PDE1A: variants seen among roughly 807,000 people sequenced by gnomAD.
The protein encoded by PDE1A is dual specificity calcium/calmodulin-dependent 3',5'-cyclic nucleotide phosphodiesterase 1A.
PDE1A carries 35 observed loss-of-function variants against 61.7 expected under a neutral mutation model. The ratio of observed to expected loss-of-function variants is 0.57; its 90% confidence interval spans 0.43 to 0.75. PDE1A has a LOEUF of 0.75. Ranked by LOEUF, PDE1A falls within the 30% of genes least tolerant of loss-of-function variation. The pLI is 0.00. For synonymous variants in PDE1A, 232 were observed against 213.2 expected (o/e 1.09, Z -0.77); for missense variants, 597 against 630.6 (o/e 0.95, Z 0.57).
chr2:182,537,621 C>T, the PDE1A span, among the ~76,000 whole-genome samples: 2 of 151,648 alleles, frequency 1.3e-5, no homozygotes, highest in African/African-American at 2.4e-5. Flanking sequence ...ACGTTATGCA[C>T]GTGTATTCCA....
At chr2:182,541,002 T>C in the PDE1A span, among the ~76,000 whole-genome samples, 4 of 152,006 alleles carry the variant, frequency 2.6e-5, no homozygotes, top group African/African-American at 9.7e-5. Flanking sequence ...CCCAATATAA[T>C]TGCAGCAATT....
chr2:182,141,672 T>G (rs1222901321), exon 15 of PDE1A: 1 of 152,238 alleles, frequency 6.6e-6, no homozygotes, highest in African/African-American at 2.4e-5. Flanking sequence ...ATCTCACCAC[T>G]CAGGCTTAAA....
chr2:182,578,800 C>T, the PDE1A span, among the ~76,000 whole-genome samples: 48 of 152,278 alleles, frequency 3.2e-4, no homozygotes, highest in African/African-American at 9.4e-4. Flanking sequence ...CAGTGAGGTG[C>T]TAACATGGGT....
intron 1 of PDE1A, among the ~76,000 whole-genome samples, chr2:182,279,198 T>C (rs1242336517): frequency 1.3e-5 from 2 of 151,926 alleles, no homozygotes; most frequent in African/African-American, 4.8e-5. Flanking sequence ...CTGTCAAGAG[T>C]TGGAGGATGA....
At chr2:182,626,794 T>TATATATATAC in the PDE1A span, among the ~76,000 whole-genome samples, 1 of 34,830 alleles carries the variant, frequency 2.9e-5, no homozygotes, top group Non-Finnish European at 5.5e-5. Flanking sequence ...TATATATACA[T>TATATATATAC]ATATATACAT....
At chr2:182,659,985 C>T in the PDE1A span, among the ~76,000 whole-genome samples, 1 of 152,110 alleles carries the variant, frequency 6.6e-6, no homozygotes, top group African/African-American at 2.4e-5. Context: ...TGACTAACAG[C>T]AAGACATTAG....
intron 1 of PDE1A, among the ~76,000 whole-genome samples, chr2:182,408,671 C>G (rs1702442594): frequency 6.8e-6 from 1 of 146,442 alleles, no homozygotes; most frequent in Admixed American, 6.8e-5. Flanking sequence ...CTTAGCTTCT[C>G]ATAAACTGTT....
intron 7 of PDE1A, among the ~76,000 whole-genome samples, chr2:182,221,199 G>A (rs6740401): frequency 0.67 from 102,097 of 151,796 alleles, 34,459 homozygotes; most frequent in South Asian, 0.75. Flanking sequence ...GAATAGTAAA[G>A]GGAGAAAGCT....
intron 1 of PDE1A, among the ~76,000 whole-genome samples, chr2:182,392,849 T>G (rs1229430512): frequency 6.6e-6 from 1 of 152,232 alleles, no homozygotes; most frequent in Non-Finnish European, 1.5e-5. Context: ...ATGCAAGGGG[T>G]GGGTTCCCAT....
chr2:182,577,084 G>A, the PDE1A span, among the ~76,000 whole-genome samples: 2 of 152,004 alleles, frequency 1.3e-5, no homozygotes, highest in East Asian at 3.8e-4. Context: ...TAATTTCAAT[G>A]TAGTTTAATT....
chr2:182,261,767 G>C (rs1007729066), intron 2 of PDE1A, among the ~76,000 whole-genome samples: 3 of 152,048 alleles, frequency 2.0e-5, no homozygotes, highest in African/African-American at 7.2e-5. Flanking sequence ...CCAGAAAAAT[G>C]AATAAATAAA....
At chr2:182,446,125 T>G (rs1574674548) in intron 2 of PDE1A, among the ~76,000 whole-genome samples, 1 of 152,102 alleles carries the variant, frequency 6.6e-6, no homozygotes, top group Non-Finnish European at 1.5e-5. Flanking sequence ...TATATTAAGA[T>G]TTTAAATATA....
At chr2:182,286,228 C>T (rs1047088986) in intron 1 of PDE1A, among the ~76,000 whole-genome samples, 1 of 152,122 alleles carries the variant, frequency 6.6e-6, no homozygotes, top group Non-Finnish European at 1.5e-5. Flanking sequence ...ATTTCCTCCT[C>T]CTCTGATATC....
At chr2:182,680,683 T>C in the PDE1A span, among the ~76,000 whole-genome samples, 1 of 152,220 alleles carries the variant, frequency 6.6e-6, no homozygotes, top group Admixed American at 6.5e-5. Flanking sequence ...AGCTTTAAAT[T>C]CTTTTGATGC....
chr2:182,636,494 G>A, the PDE1A span, among the ~76,000 whole-genome samples: 1 of 152,046 alleles, frequency 6.6e-6, no homozygotes, highest in African/African-American at 2.4e-5. Flanking sequence ...CACCCAAAAG[G>A]TGATTAAGTC....
chr2:182,582,581 A>G, the PDE1A span, among the ~76,000 whole-genome samples: 4 of 152,248 alleles, frequency 2.6e-5, no homozygotes, highest in Admixed American at 2.6e-4. Flanking sequence ...TGGACAAAAG[A>G]GATGGGAGAG....
At chr2:182,233,013 C>T (rs1689705775) in intron 4 of PDE1A, among the ~76,000 whole-genome samples, 1 of 152,180 alleles carries the variant, frequency 6.6e-6, no homozygotes, top group African/African-American at 2.4e-5. Context: ...TGGTGATATT[C>T]CCTCTCTCAA....
intron 10 of PDE1A, among the ~76,000 whole-genome samples, chr2:182,200,239 C>T (rs1368946423): frequency 6.6e-6 from 1 of 152,158 alleles, no homozygotes; most frequent in Non-Finnish European, 1.5e-5. Flanking sequence ...TGATAGGAGA[C>T]TCTAGGCTAA....
chr2:182,549,755 G>GA, the PDE1A span, among the ~76,000 whole-genome samples: 1 of 152,054 alleles, frequency 6.6e-6, no homozygotes, highest in African/African-American at 2.4e-5. Flanking sequence ...CTTTCAATGA[G>GA]ATAGTGTTTT....
Sources: allele counts gnomAD v4.1 joint callset (sites outside exome capture counted in the v4.1 genomes callset), GRCh38; gene constraint gnomAD v4.1.1; transcripts MANE v1.5; gene names NCBI Gene and HGNC (gene_info 2026-07-23, HGNC 2026-07-21).